KLHL40: variants seen among roughly 807,000 people sequenced by gnomAD.
KLHL40 encodes kelch like family member 40.
Under a neutral mutation model 49.7 loss-of-function variants are expected in KLHL40, and 44 were observed. The ratio of observed to expected loss-of-function variants is 0.89; its 90% CI spans 0.70 to 1.14. The LOEUF (loss-of-function observed/expected upper bound fraction) is 1.14. Ranked by LOEUF, KLHL40 falls within the 50% of genes most tolerant of loss-of-function variation. The probability of loss-of-function intolerance (pLI) is 0.00; values close to 1 mark genes in which losing one functional copy is unlikely to be tolerated. For synonymous variants in KLHL40, 409 were observed against 365.2 expected (o/e 1.12, Z -1.37); for missense variants, 892 against 850.3 (o/e 1.05, Z -0.61).
chr3:42,689,831 A>T (rs189614263), intron 4 of KLHL40, among the ~76,000 whole-genome samples: 47 of 152,246 alleles, frequency 3.1e-4, no homozygotes, highest in African/African-American at 1.0e-3. Context: ...GATTCTCGGT[A>T]TGCGGAGGGC....
rs1559614662 is a variant in KLHL40 at position 42,688,666 on chromosome 3, T to A, written c.1370T>A (p.Val457Glu). 1 of 1,613,952 alleles carries A rather than the reference T, an allele frequency of 6.2e-7. No homozygotes were observed. The highest frequency in any genetic ancestry group is 1.1e-5 in the South Asian group (1 of 91,074). The change falls in exon 3 of 6, where the codon GTG becomes GAG. Residue 457 changes from valine to glutamate, a missense_variant. Val to Glu is a moderately radical substitution (Grantham distance 121). Coordinates refer to ENST00000287777, the MANE Select transcript of KLHL40 (RefSeq NM_152393.4). The surrounding 1 kb of genome is among the most constrained non-coding windows in gnomAD (Gnocchi z 4.2). Reference sequence around the variant, plus strand: ...CCTTACGTGGTGTATGGCCACACAGTGCTCTCCCACATGGACCTTGTCTAC... The same window carrying A: ...CCTTACGTGGTGTATGGCCACACAGAGCTCTCCCACATGGACCTTGTCTAC... ...PLPYVVYGHT[V>E]LSHMDLVYVI...
chr3:42,690,889 G>A lies in KLHL40; in HGVS notation c.1638G>A (p.Glu546=). ...CACCCTTCGAGGCCTTCCCACAGGA[G>A]CGTAGCTCACTCAGCCTGGTCAGCC... ...KWAPFEAFPQ[E]RSSLSLVSLV... is the part of the protein sequence containing the mutation. The change falls in exon 5 of 6, where the codon GAG becomes GAA. Residue 546 remains glutamate, a synonymous_variant. Coordinates refer to ENST00000287777, the MANE Select transcript of KLHL40 (RefSeq NM_152393.4). 1 of 1,613,138 alleles carries A rather than the reference G, an allele frequency of 6.2e-7. No individual in the cohort carries two copies. The highest frequency in any genetic ancestry group is 1.3e-5 in the African/African-American group (1 of 75,024).
chr3:42,685,856 G>T lies in KLHL40; in HGVS notation c.238G>T (p.Asp80Tyr). 3 of 1,613,178 alleles carry T rather than the reference G, an allele frequency of 1.9e-6. No homozygotes were observed. Among genetic ancestry groups the T allele is most frequent in the Non-Finnish European group, 2.5e-6 (3 of 1,179,976 alleles). The change falls in exon 1 of 6, where the codon GAC (aspartate) becomes TAC (tyrosine). Residue 80 changes from aspartate to tyrosine, a missense_variant. By Grantham distance (160) the Asp-to-Tyr change is radical. Transcript: ENST00000287777. ...GELHLEEVSP[D>Y]VVAQVLHYLY... ...GCTGCACCTGGAGGAGGTGTCCCCG[G>T]ACGTGGTGGCCCAGGTGCTGCACTA...
In KLHL40 at chr3:42,689,251, G is replaced by C. The variant is rs1697324753; in HGVS notation, c.1607+197G>C. Among the ~76,000 whole-genome samples the C allele has an allele frequency of 2.0e-5, 3 of 152,154 alleles. No individual in the cohort carries two copies. The South Asian group carries it at 6.2e-4, about 32-fold the overall frequency. On this transcript the variant is annotated intron_variant, in intron 4 of 5. Transcript: ENST00000287777. ...TATGGCCAGCCTGGTCTGCAGGAGGGGGCTCCCAGGGCTGGGGGAGGGGAT... is the reference window on the plus strand; with the variant it reads ...TATGGCCAGCCTGGTCTGCAGGAGGCGGCTCCCAGGGCTGGGGGAGGGGAT...
chr3:42,687,240 G>A (rs897412916), intron 1 of KLHL40, among the ~76,000 whole-genome samples: 3 of 152,242 alleles, frequency 2.0e-5, no homozygotes, highest in Non-Finnish European at 4.4e-5. Flanking sequence ...CTGAGTTGGG[G>A]TGTGACTGTG....
In KLHL40 at chr3:42,686,461, G is replaced by A. The variant is rs1185894617; in HGVS notation, c.843G>A (p.Lys281=). ...AGGGGAAGGATGGAGCCGGGGCCAAGGAGGCTGATAAGGGCACAAGCAAAG... is the reference window on the plus strand; with the variant it reads ...AGGGGAAGGATGGAGCCGGGGCCAAAGAGGCTGATAAGGGCACAAGCAAAG... ...KKKGKDGAGA[K]EADKGTSKAK... Residue 281 remains lysine (K), a synonymous_variant, in exon 1 of 6, where the codon AAG becomes AAA. Transcript: ENST00000287777. The A allele has an allele frequency of 6.8e-6, 11 of 1,613,920 alleles. No homozygotes were observed. Among genetic ancestry groups the A allele is most frequent in the Non-Finnish European group, 7.6e-6 (9 of 1,179,990 alleles).
chr3:42,688,716 A>C lies in KLHL40; in HGVS notation c.1420A>C (p.Arg474=), dbSNP rs1445979064. ...CGTAATTGGCGGCAAAGGCAGTGACAGGTGAGGCTGGGCCTGGAGTGAGTC... is the reference window on the plus strand; with the variant it reads ...CGTAATTGGCGGCAAAGGCAGTGACCGGTGAGGCTGGGCCTGGAGTGAGTC... The part of the protein sequence containing the change: ...VYVIGGKGSD[R]KCLNKMCVYD... Residue 474 remains arginine (R), a splice_region_variant and synonymous_variant, in exon 3 of 6, where the codon AGG becomes CGG. Coordinates refer to ENST00000287777, the MANE Select transcript of KLHL40 (RefSeq NM_152393.4). The surrounding 1 kb of genome is among the most constrained non-coding windows in gnomAD (Gnocchi z 4.2). 1.9e-6 allele frequency: 3 copies of C among 1,612,488 alleles called. No homozygotes were observed. Among genetic ancestry groups the C allele is most frequent in the South Asian group, 2.2e-5 (2 of 91,030 alleles).
Position 42,686,643 on chromosome 3 carries a change from C to T in KLHL40, c.1025C>T (p.Ser342Phe). ...DPAANECYCA[S>F]LSNQVPKNHV... is the part of the protein sequence containing the mutation. The stretch of plus-strand genomic sequence containing the variant: ...GCAGCCAACGAGTGCTACTGTGCTT[C>T]CCTCTCCAACCAGGTCCCCAAGAAC... The change falls in exon 1 of 6, where the codon TCC (serine) becomes TTC (phenylalanine). Residue 342 changes from serine to phenylalanine, a missense_variant. By Grantham distance (155) the Ser-to-Phe change is radical (BLOSUM62 -2). Coordinates refer to ENST00000287777, the MANE Select transcript of KLHL40 (RefSeq NM_152393.4). The T allele has an allele frequency of 6.2e-7, 1 of 1,614,072 alleles. No individual in the cohort carries two copies. Among genetic ancestry groups the T allele is most frequent in the Non-Finnish European group, 8.5e-7 (1 of 1,180,040 alleles).
At chr3:42,690,268 C>T (rs553544841) in intron 4 of KLHL40, among the ~76,000 whole-genome samples, 74 of 152,236 alleles carry the variant, frequency 4.9e-4, no homozygotes, top group African/African-American at 1.3e-3. Flanking sequence ...AAGGAGGCCA[C>T]GAAGGTGAGG....
rs138075372 is a variant in KLHL40 at position 42,685,715 on chromosome 3, C to T, written c.97C>T (p.Leu33Phe). Residue 33 changes from leucine (L) to phenylalanine (F), a missense_variant, in exon 1 of 6, where the codon CTC (leucine) becomes TTC (phenylalanine). Coordinates refer to ENST00000287777, the MANE Select transcript of KLHL40 (RefSeq NM_152393.4). ...LKDMLDHGKF[L>F]DCVVRAGERE... ...AGACATGCTGGACCATGGCAAGTTC[C>T]TCGACTGTGTGGTGCGGGCGGGCGA... is the stretch of plus-strand genomic sequence containing the variant. 345 of 1,613,078 alleles carry T rather than the reference C, an allele frequency of 2.1e-4. No homozygotes were observed. Among genetic ancestry groups the T allele is most frequent in the African/African-American group, 1.3e-4 (10 of 74,936 alleles).
intron 1 of KLHL40, 54 bp downstream of exon 1, chr3:42,686,824 G>T: frequency 1.3e-6 from 2 of 1,485,218 alleles, no homozygotes; most frequent in South Asian, 2.6e-5. Flanking sequence ...AGGCACTGTG[G>T]ACAGTCTTGG....
Position 42,688,477 on chromosome 3 carries a change from C to T in KLHL40, c.1314-133C>T. On this transcript the variant is annotated intron_variant, in intron 2 of 5. Coordinates refer to ENST00000287777, the MANE Select transcript of KLHL40 (RefSeq NM_152393.4). This position sits in a 1 kb window ranked among gnomAD's most constrained non-coding sequence, Gnocchi z 4.2. ...AGGGTGGGATCAAAGAACTGAGAGGCCTCGGAAGTTCCAGCAATGGATCTG... is the reference window on the plus strand; with the variant it reads ...AGGGTGGGATCAAAGAACTGAGAGGTCTCGGAAGTTCCAGCAATGGATCTG... 6 of 957,040 alleles carry T rather than the reference C, an allele frequency of 6.3e-6. No individual in the cohort carries two copies. Among genetic ancestry groups the T allele is most frequent in the South Asian group, 1.5e-5 (1 of 67,716 alleles). The allele number at this position is 957,040 out of a possible 1,614,324, so 59.3% of individuals were successfully genotyped here.
At chr3:42,691,056 C>T (rs1467003959) in intron 5 of KLHL40, 51 bp downstream of exon 5, 1 of 1,538,334 alleles carries the variant, frequency 6.5e-7, no homozygotes, top group Non-Finnish European at 8.8e-7. Flanking sequence ...AGGCTGACAC[C>T]CCATAGCACC....
chr3:42,692,284 C>G lies in KLHL40; in HGVS notation c.*291C>G, dbSNP rs1431143486. The G allele has an allele frequency of 2.1e-6, 1 of 474,634 alleles. No individual in the cohort carries two copies. Among genetic ancestry groups the G allele is most frequent in the Non-Finnish European group, 3.8e-6 (1 of 262,264 alleles). 29.4% of individuals were successfully genotyped at this position (474,634 alleles called of 1,614,324 possible). A position where few individuals can be genotyped will look rare whatever the true frequency, so the allele number is the denominator to read the frequency against. ...TCCCAGGCCGTGTGCTGGCCCTGCCCCAGCCTAGCTGAGTGTGCTGGCAAA... is the reference window on the plus strand; with the variant it reads ...TCCCAGGCCGTGTGCTGGCCCTGCCGCAGCCTAGCTGAGTGTGCTGGCAAA... On this transcript the variant is annotated 3_prime_UTR_variant, in exon 6 of 6. Coordinates refer to ENST00000287777, the MANE Select transcript of KLHL40 (RefSeq NM_152393.4).
chr3:42,688,571 A>G lies in KLHL40; in HGVS notation c.1314-39A>G, dbSNP rs746474767. The G allele has an allele frequency of 1.1e-5, 16 of 1,463,932 alleles. 1 individual carries two copies. The South Asian group carries it at 1.8e-4, about 17-fold the overall frequency. 90.7% of individuals were successfully genotyped at this position (1,463,932 alleles called of 1,614,324 possible). A position where few individuals can be genotyped will look rare whatever the true frequency, so the allele number is the denominator to read the frequency against. On this transcript the variant is annotated intron_variant, in intron 2 of 5. Coordinates refer to ENST00000287777, the MANE Select transcript of KLHL40 (RefSeq NM_152393.4). This position sits in a 1 kb window ranked among gnomAD's most constrained non-coding sequence, Gnocchi z 4.2. ...GAGACAGGGACTGAGCCGAGCCTGG[A>G]TGGGTGCCCTCCCCCACCCCCACTC...
Position 42,692,057 on chromosome 3 carries a change from T to C in KLHL40, c.*64T>C. ...TGCGACCCTCACTGGCCTGGCCTTG[T>C]GGGGGCTCCAGAAAAGAGGCTAGGA... On this transcript the variant is annotated 3_prime_UTR_variant, in exon 6 of 6. Coordinates refer to ENST00000287777, the MANE Select transcript of KLHL40 (RefSeq NM_152393.4). 9.9e-7 allele frequency: 1 copy of C among 1,010,868 alleles called. No homozygotes were observed. Among genetic ancestry groups the C allele is most frequent in the Non-Finnish European group, 1.6e-6 (1 of 634,276 alleles). 62.6% of individuals were successfully genotyped at this position (1,010,868 alleles called of 1,614,324 possible). A position where few individuals can be genotyped will look rare whatever the true frequency, so the allele number is the denominator to read the frequency against.
chr3:42,687,729 CTG>C (rs3075796), intron 1 of KLHL40, among the ~76,000 whole-genome samples: 9,927 of 152,064 alleles, frequency 0.065, 932 homozygotes, highest in African/African-American at 0.19. Context: ...GTGGACAAGG[CTG>C]TGGACTGTAG....
chr3:42,691,770 G>C (rs1452824816), intron 5 of KLHL40, 112 bp from the exon 6 acceptor site: 8 of 692,920 alleles, frequency 1.2e-5, no homozygotes, highest in South Asian at 1.6e-5. Context: ...TTCAGGAGCA[G>C]ATCTCCCTAG....
rs1169168911 is a variant in KLHL40, at chr3:42,688,225, C to G, written c.1236C>G (p.Asn412Lys). 1.9e-6 allele frequency: 3 copies of G among 1,613,904 alleles called. No individual in the cohort carries two copies. Among genetic ancestry groups the G allele is most frequent in the Non-Finnish European group, 2.5e-6 (3 of 1,180,036 alleles). Reference sequence around the variant, plus strand: ...TCTTTGGCCTGGGAGAAGCTCTCAACTCCATCTACGTGGTCGGTGGCAGAG... The same window carrying G: ...TCTTTGGCCTGGGAGAAGCTCTCAAGTCCATCTACGTGGTCGGTGGCAGAG... The part of the protein sequence containing the change: ...RCLFGLGEAL[N>K]SIYVVGGREI... Residue 412 changes from asparagine to lysine, a missense_variant, in exon 2 of 6, where the codon AAC becomes AAG. Physicochemically the swap from Asn to Lys is moderately conservative, Grantham distance 94. Transcript: ENST00000287777. The surrounding 1 kb of genome is among the most constrained non-coding windows in gnomAD (Gnocchi z 4.2).
Sources: gnomAD v4.1 joint callset for allele counts (sites outside exome capture counted in the v4.1 genomes callset) on GRCh38, gnomAD v4.1.1 for gene constraint, Gnocchi (gnomAD v3.1) non-coding constraint, MANE v1.5 for transcripts, NCBI Gene and HGNC (gene_info 2026-07-23, HGNC 2026-07-21) for gene names.